The following TET3 variants were observed in gnomAD, a reference collection of about 807,000 sequenced individuals.
TET3 encodes the protein methylcytosine dioxygenase TET3.
A neutral mutation model predicts 141.4 loss-of-function variants in TET3; 19 were observed. The observed-to-expected ratio is 0.13, with a 90% confidence interval of 0.09 to 0.20. TET3 has a LOEUF of 0.20. Among genes scored for constraint, TET3 ranks in the 10% least tolerant of loss-of-function variants. The probability of loss-of-function intolerance (pLI) is 1.00; values close to 1 mark genes in which losing one functional copy is unlikely to be tolerated. For synonymous variants in TET3, 1,043 were observed against 980.9 expected (o/e 1.06, Z -1.18); for missense variants, 1,874 against 2,356.9 (o/e 0.80, Z 4.24).
chr2:74,017,381 T>A (rs1382927101), intron 3 of TET3, among the ~76,000 whole-genome samples: 1 of 152,194 alleles, frequency 6.6e-6, no homozygotes, highest in Non-Finnish European at 1.5e-5. Context: ...AACCTTTGGG[T>A]ATTTCCCCTG....
the TET3 span, among the ~76,000 whole-genome samples, chr2:74,124,098 C>T: frequency 6.6e-6 from 1 of 151,700 alleles, no homozygotes; most frequent in African/African-American, 2.4e-5. Flanking sequence ...AGCCCCTCCG[C>T]CCAGCAGCTG....
chr2:74,018,007 G>A (rs1034293214), intron 3 of TET3, among the ~76,000 whole-genome samples: 29 of 121,062 alleles, frequency 2.4e-4, no homozygotes, highest in African/African-American at 9.3e-4. Flanking sequence ...TGCTCTTGTC[G>A]CCCAGGCTGC....
intron 10 of TET3, among the ~76,000 whole-genome samples, chr2:74,094,289 T>A (rs1690677735): frequency 6.6e-6 from 1 of 151,994 alleles, no homozygotes; most frequent in African/African-American, 2.4e-5. Context: ...GGGACCAGCG[T>A]GTGTGCAGGC....
In TET3 at chr2:73,986,265, C is replaced by G. The variant is rs1449670409; in HGVS notation, c.-139C>G. On this transcript the variant is annotated 5_prime_UTR_variant, in exon 2 of 12. Coordinates refer to ENST00000409262, the MANE Select transcript of TET3 (RefSeq NM_001287491.2). ...GGGGTTGAGAAGAGGCATCCATCCA[C>G]GAGACTGAAGCCACTTGCCTTCACC... 1.4e-6 allele frequency: 1 copy of G among 715,952 alleles called. No individual in the cohort carries two copies. Among genetic ancestry groups the G allele is most frequent in the Non-Finnish European group, 1.9e-6 (1 of 517,760 alleles). The allele number at this position is 715,952 out of a possible 1,614,324, so 44.3% of individuals were successfully genotyped here.
the TET3 span, among the ~76,000 whole-genome samples, chr2:74,114,549 C>A: frequency 6.6e-6 from 1 of 152,090 alleles, no homozygotes; most frequent in Non-Finnish European, 1.5e-5. Flanking sequence ...AAAATTAAAT[C>A]TCTTAAAAGT....
intron 5 of TET3, among the ~76,000 whole-genome samples, chr2:74,076,308 A>G (rs1447290848): frequency 1.3e-5 from 2 of 152,146 alleles, no homozygotes; most frequent in African/African-American, 4.8e-5. Context: ...GACCTTGCAA[A>G]TCATGTAACA....
In TET3 at chr2:74,102,397, A is replaced by T; in HGVS notation, c.*221A>T. 1 of 553,816 alleles carries T rather than the reference A, an allele frequency of 1.8e-6. No homozygotes were observed. 34.3% of individuals were successfully genotyped at this position (553,816 alleles called of 1,614,324 possible). ...TCCCCAGCACTTTGAAGAAGAAACT[A>T]CGGCTGTCGGGTGATTTTTCCGTGA... On this transcript the variant is annotated 3_prime_UTR_variant, in exon 12 of 12. Transcript: ENST00000409262.
Position 74,103,072 on chromosome 2 carries a change from G to T in TET3, c.*896G>T, listed in dbSNP as rs1178640822. The T allele has an allele frequency of 6.6e-6, 1 of 152,256 alleles. No homozygotes were observed. Among genetic ancestry groups the T allele is most frequent in the Non-Finnish European group, 1.5e-5 (1 of 68,052 alleles). 9.4% of individuals were successfully genotyped at this position (152,256 alleles called of 1,614,324 possible). ...CAGCACCTCACGCTGGAGCTGGAGT[G>T]CGAGGTTCTTAGGGGCCGTGCCCAC... On this transcript the variant is annotated 3_prime_UTR_variant, in exon 12 of 12. Transcript: ENST00000409262.
rs1193221450 is a variant in TET3 at position 73,986,675 on chromosome 2, T to A, written c.272T>A (p.Val91Glu). 3 of 1,231,854 alleles carry A rather than the reference T, an allele frequency of 2.4e-6. No homozygotes were observed. Among genetic ancestry groups the A allele is most frequent in the Non-Finnish European group, 3.0e-6 (3 of 987,962 alleles). 76.3% of individuals were successfully genotyped at this position (1,231,854 alleles called of 1,614,324 possible). A position where few individuals can be genotyped will look rare whatever the true frequency, so the allele number is the denominator to read the frequency against. Reference protein sequence around the residue: ...HQICKLRKCEVLKKKVGLLKE... With the variant: ...HQICKLRKCEELKKKVGLLKE... ...ATCTGCAAACTGCGAAAATGTGAGG[T>A]GCTGAAGAAAAAAGTAGGGCTTCTC... The change falls in exon 2 of 12, where the codon GTG (valine) becomes GAG (glutamate). Residue 91 changes from valine to glutamate, a missense_variant. Transcript: ENST00000409262.
chr2:74,093,424 T>TATCA lies in TET3; in HGVS notation c.3130-104_3130-101dup. 1 of 1,425,112 alleles carries TATCA rather than the reference T, an allele frequency of 7.0e-7. No homozygotes were observed. The highest frequency in any genetic ancestry group is 9.3e-7 in the Non-Finnish European group (1 of 1,077,566). The allele number at this position is 1,425,112 out of a possible 1,614,324, so 88.3% of individuals were successfully genotyped here. On this transcript the variant is annotated intron_variant, in intron 9 of 11. Transcript: ENST00000409262. This position sits in a 1 kb window ranked among gnomAD's most constrained non-coding sequence, Gnocchi z 4.2. ...TCCTGCAGTCGAAGGGCAAGGTGAC[T>TATCA]ATCATCCTTAACATCCCTCCTTCCA...
intron 2 of TET3, among the ~76,000 whole-genome samples, chr2:73,988,313 C>T (rs1242815455): frequency 6.6e-6 from 1 of 152,122 alleles, no homozygotes; most frequent in African/African-American, 2.4e-5. Flanking sequence ...GCCTTTCCTT[C>T]TAGCATTCCT....
downstream of TET3, among the ~76,000 whole-genome samples, chr2:74,112,729 G>A (rs1239899243): frequency 1.3e-5 from 2 of 152,196 alleles, no homozygotes; most frequent in Admixed American, 6.5e-5. Flanking sequence ...CAGGCTGGGT[G>A]CAGTGGCTCA....
At chr2:74,085,763 C>T (rs1338253762) in intron 6 of TET3, among the ~76,000 whole-genome samples, 2 of 152,202 alleles carry the variant, frequency 1.3e-5, no homozygotes, top group African/African-American at 2.4e-5. Context: ...AGACCCAGTA[C>T]AGGTCCGCAC....
chr2:74,131,074 G>A, the TET3 span, among the ~76,000 whole-genome samples: 1 of 152,084 alleles, frequency 6.6e-6, no homozygotes, highest in African/African-American at 2.4e-5. Context: ...TGACTTACCT[G>A]GTCTCGGTGC....
intron 3 of TET3, among the ~76,000 whole-genome samples, chr2:74,014,034 T>C (rs1685604007): frequency 6.6e-6 from 1 of 152,054 alleles, no homozygotes; most frequent in African/African-American, 2.4e-5. Flanking sequence ...ATTTCTAACA[T>C]TGTATATTTT....
At chr2:74,076,667 A>C (rs1324233924) in intron 5 of TET3, among the ~76,000 whole-genome samples, 1 of 148,960 alleles carries the variant, frequency 6.7e-6, no homozygotes, top group Non-Finnish European at 1.5e-5. Context: ...TCTTATAGAT[A>C]TCTTCATAAG....
the TET3 span, chr2:74,121,906 G>A: frequency 6.6e-6 from 1 of 152,270 alleles, no homozygotes; most frequent in Non-Finnish European, 1.5e-5. Flanking sequence ...GCTGAGATGG[G>A]AGAATCGCTT....
At position 74,047,362 on chromosome 2, in the gene TET3, A is replaced by G; in HGVS notation, c.1445A>G (p.Glu482Gly). Residue 482 changes from glutamate to glycine, a missense_variant, in exon 4 of 12, where the codon GAG becomes GGG. By Grantham distance (98) the Glu-to-Gly change is moderately conservative. Coordinates refer to ENST00000409262, the MANE Select transcript of TET3 (RefSeq NM_001287491.2). The part of the protein sequence containing the change: ...DYIQSVFKRP[E>G]ALPTKPKVKV... ...ATCCAGTCAGTATTCAAGCGGCCTGAGGCCCTGCCTACCAAGCCCAAGGTC... is the reference window on the plus strand; with the variant it reads ...ATCCAGTCAGTATTCAAGCGGCCTGGGGCCCTGCCTACCAAGCCCAAGGTC... The G allele has an allele frequency of 6.2e-6, 10 of 1,613,942 alleles. No individual in the cohort carries two copies. The highest frequency in any genetic ancestry group is 8.5e-6 in the Non-Finnish European group (10 of 1,179,878).
intron 3 of TET3, among the ~76,000 whole-genome samples, chr2:74,022,137 T>G (rs1484141247): frequency 6.7e-6 from 1 of 148,236 alleles, no homozygotes; most frequent in African/African-American, 2.5e-5. Flanking sequence ...ATGTTTCTGG[T>G]CTTTTCCCTC....
Sources: gnomAD v4.1 joint callset for allele counts (sites outside exome capture counted in the v4.1 genomes callset) on GRCh38, gnomAD v4.1.1 for gene constraint, Gnocchi (gnomAD v3.1) non-coding constraint, MANE v1.5 for transcripts, NCBI Gene and HGNC (gene_info 2026-07-23, HGNC 2026-07-21) for gene names.